The following HIVEP1 variants were observed in gnomAD, a reference collection of about 807,000 sequenced individuals.
The protein encoded by HIVEP1 is HIVEP zinc finger 1, also known as zinc finger protein 40.
A neutral mutation model predicts 180.0 loss-of-function variants in HIVEP1; 36 were observed. That is an observed-to-expected ratio of 0.20 (90% CI 0.15 to 0.26). The LOEUF (loss-of-function observed/expected upper bound fraction) is 0.26. HIVEP1 is among the 10% of genes least tolerant of loss of function. The pLI is 1.00. For missense variants in HIVEP1, 3,143 were observed against 3,268.7 expected (o/e 0.96, Z 0.94); for synonymous variants, 1,239 against 1,239.0 (o/e 1.00, Z 0.00).
At chr6:12,034,969 G>T (rs1405419574) in intron 2 of HIVEP1, among the ~76,000 whole-genome samples, 2 of 152,218 alleles carry the variant, frequency 1.3e-5, no homozygotes, top group Non-Finnish European at 2.9e-5. Flanking sequence ...CTGGCAGCAT[G>T]TTAGAATTGG....
At chr6:12,159,665 C>A (rs920377994) in intron 7 of HIVEP1, among the ~76,000 whole-genome samples, 1 of 152,172 alleles carries the variant, frequency 6.6e-6, no homozygotes, top group Non-Finnish European at 1.5e-5. Flanking sequence ...CCAGAAATCA[C>A]ACATTCTGTC....
chr6:12,109,533 GA>G (rs1774748459), intron 3 of HIVEP1, among the ~76,000 whole-genome samples: 1 of 152,314 alleles, frequency 6.6e-6, no homozygotes, highest in East Asian at 1.9e-4. Context: ...TTCATCTCAA[GA>G]AACCACTTTC....
At chr6:12,208,554 T>A in the HIVEP1 span, among the ~76,000 whole-genome samples, 56 of 152,272 alleles carry the variant, frequency 3.7e-4, no homozygotes, top group South Asian at 2.3e-3. Flanking sequence ...CCCACATTCA[T>A]ATGTTGAAGT....
intron 2 of HIVEP1, among the ~76,000 whole-genome samples, chr6:12,019,914 A>T (rs568351590): frequency 1.7e-4 from 26 of 152,360 alleles, no homozygotes; most frequent in Middle Eastern, 3.4e-3. Context: ...TTAAAGTATT[A>T]GGCAAGCATA....
chr6:12,178,053 T>C, the HIVEP1 span, among the ~76,000 whole-genome samples: 2 of 152,142 alleles, frequency 1.3e-5, no homozygotes, highest in African/African-American at 2.4e-5. Flanking sequence ...CTTTATGACA[T>C]TGAGATAGGG....
At chr6:12,065,692 C>CGTGTGT (rs61620887) in intron 2 of HIVEP1, among the ~76,000 whole-genome samples, 5 of 145,116 alleles carry the variant, frequency 3.4e-5, no homozygotes, top group East Asian at 2.0e-4. Flanking sequence ...TGTGTGTGTG[C>CGTGTGT]GTGTGTGTGT....
At chr6:12,021,345 T>A (rs1768192643) in intron 2 of HIVEP1, among the ~76,000 whole-genome samples, 1 of 152,218 alleles carries the variant, frequency 6.6e-6, no homozygotes, top group African/African-American at 2.4e-5. Context: ...ACATCCGGTA[T>A]TTCTGTGCTT....
chr6:12,120,568 C>T lies in HIVEP1; in HGVS notation c.773C>T (p.Ser258Phe), dbSNP rs777523318. ...SQELVAESQSSCTSYTVHMSA... is the reference protein window; with the variant it reads ...SQELVAESQSFCTSYTVHMSA... ...GAATTGGTTGCTGAATCACAGTCTTCTTGTACCTCATACACAGTCCATATG... is the reference window on the plus strand; with the variant it reads ...GAATTGGTTGCTGAATCACAGTCTTTTTGTACCTCATACACAGTCCATATG... Residue 258 changes from serine to phenylalanine, a missense_variant, in exon 4 of 9, where the codon TCT becomes TTT. Around this residue, in one of 12 missense-constraint regions of HIVEP1, gnomAD observed 306 missense variants for 310.6 expected, o/e 0.99. Coordinates refer to ENST00000379388, the MANE Select transcript of HIVEP1 (RefSeq NM_002114.4). 1.9e-6 allele frequency: 3 copies of T among 1,614,092 alleles called. No individual in the cohort carries two copies. The highest frequency in any genetic ancestry group is 2.5e-6 in the Non-Finnish European group (3 of 1,180,038).
chr6:12,007,917 C>T (rs1021688012), upstream of HIVEP1: 1 of 151,840 alleles, frequency 6.6e-6, no homozygotes, highest in Non-Finnish European at 1.5e-5. Flanking sequence ...TTTATCCTGT[C>T]TCCATTAATT....
chr6:12,121,207 G>A lies in HIVEP1; in HGVS notation c.1412G>A (p.Gly471Asp). The part of the protein sequence containing the change: ...KLGLVLQPDA[G>D]GLFLSHESPK... ...GGTCTTGTCTTGCAACCAGATGCTG[G>A]TGGCTTGTTCTTGTCCCACGAGTCC... The change falls in exon 4 of 9, where the codon GGT becomes GAT. Residue 471 changes from glycine to aspartate, a missense_variant. Around this residue, in one of 12 missense-constraint regions of HIVEP1, gnomAD observed 365 missense variants for 344.4 expected, o/e 1.06. Transcript: ENST00000379388. This position sits in a 1 kb window ranked among gnomAD's most constrained non-coding sequence, Gnocchi z 5.3. The A allele has an allele frequency of 6.2e-7, 1 of 1,614,134 alleles. No homozygotes were observed. Among genetic ancestry groups the A allele is most frequent in the Non-Finnish European group, 8.5e-7 (1 of 1,180,020 alleles).
At chr6:12,160,146 A>G (rs1253023758) in intron 7 of HIVEP1, among the ~76,000 whole-genome samples, 1 of 152,138 alleles carries the variant, frequency 6.6e-6, no homozygotes, top group Non-Finnish European at 1.5e-5. Flanking sequence ...CCCATAACTA[A>G]ATTTTATTAA....
chr6:12,168,015 CATGTATATATGTATATATTATATATACAT>C (rs1562024246), downstream of HIVEP1, among the ~76,000 whole-genome samples: 2 of 45,238 alleles, frequency 4.4e-5, no homozygotes, highest in African/African-American at 1.9e-4. Context: ...TATACATGTA[CATGTATATATGTATATATTATATATACAT>C]ATACATATGT....
intron 2 of HIVEP1, among the ~76,000 whole-genome samples, chr6:12,054,160 T>C (rs1276472824): frequency 6.6e-6 from 1 of 152,224 alleles, no homozygotes; most frequent in Non-Finnish European, 1.5e-5. Flanking sequence ...ACTCAAGATA[T>C]TTGGGATTAT....
intron 1 of HIVEP1, 121 bp from the exon 2 acceptor site, chr6:12,015,405 G>A (rs1383784177): frequency 4.6e-6 from 2 of 430,316 alleles, no homozygotes; most frequent in Admixed American, 4.2e-5. Flanking sequence ...CTTTTGCAGT[G>A]GTGCCCAGCT....
chr6:12,067,078 T>A (rs116602037), intron 2 of HIVEP1, among the ~76,000 whole-genome samples: 3,866 of 152,242 alleles, frequency 0.025, 171 homozygotes, highest in African/African-American at 0.088. Flanking sequence ...AGTATTAGTC[T>A]TTGGAAAATC....
chr6:12,141,834 C>G (rs942150250), intron 7 of HIVEP1, among the ~76,000 whole-genome samples: 1 of 150,642 alleles, frequency 6.6e-6, no homozygotes, highest in Non-Finnish European at 1.5e-5. Flanking sequence ...GAAGAGCTAA[C>G]TATCCTAAAT....
chr6:12,031,080 G>T (rs892170474), intron 2 of HIVEP1, among the ~76,000 whole-genome samples: 1 of 152,114 alleles, frequency 6.6e-6, no homozygotes, highest in Non-Finnish European at 1.5e-5. Flanking sequence ...TTCCTAGAGG[G>T]TTACCCTGTG....
intron 2 of HIVEP1, among the ~76,000 whole-genome samples, chr6:12,049,554 C>G (rs1414195231): frequency 1.3e-5 from 2 of 152,164 alleles, no homozygotes; most frequent in Non-Finnish European, 2.9e-5. Context: ...AAGGAGGGCT[C>G]TTAGATATTT....
chr6:12,173,868 A>T, the HIVEP1 span, among the ~76,000 whole-genome samples: 1 of 152,198 alleles, frequency 6.6e-6, no homozygotes, highest in Admixed American at 6.5e-5. Flanking sequence ...TCAGTCATGG[A>T]AAGAAAAGCC....
Sources: allele counts gnomAD v4.1 joint callset (sites outside exome capture counted in the v4.1 genomes callset), GRCh38; gene constraint gnomAD v4.1.1; regional missense constraint gnomAD v4.1.1; non-coding constraint Gnocchi (gnomAD v3.1); transcripts MANE v1.5; gene names NCBI Gene and HGNC (gene_info 2026-07-23, HGNC 2026-07-21).